The following ARRB2 variants were observed in gnomAD, a reference collection of about 807,000 sequenced individuals.
The protein encoded by ARRB2 is arrestin beta 2, also known as beta-arrestin-2.
Under a neutral mutation model 53.4 loss-of-function variants are expected in ARRB2, and 21 were observed. The ratio of observed to expected loss-of-function variants is 0.39; its 90% CI spans 0.28 to 0.57. The LOEUF (loss-of-function observed/expected upper bound fraction) is 0.57. Among genes scored for constraint, ARRB2 ranks in the 20% least tolerant of loss-of-function variants. The pLI is 0.55. For missense variants in ARRB2, 369 were observed against 527.5 expected (o/e 0.70, Z 2.94); for synonymous variants, 180 against 212.9 (o/e 0.85, Z 1.34).
chr17:4,716,324 T>C (rs1039957492), intron 4 of ARRB2, 88 bp from the exon 5 acceptor site: 9 of 1,609,858 alleles, frequency 5.6e-6, no homozygotes, highest in African/African-American at 4.0e-5. Context: ...GCAAGTCTTA[T>C]GCTGCTGAGG....
intron 1 of ARRB2, among the ~76,000 whole-genome samples, chr17:4,712,986 T>TAA (rs1914574089): frequency 1.3e-5 from 2 of 152,200 alleles, no homozygotes; most frequent in African/African-American, 4.8e-5. Context: ...TTTAATTAAT[T>TAA]TATTTATTTA....
chr17:4,715,719 ACACACAAAC>A, intron 2 of ARRB2: 12 of 459,886 alleles, frequency 2.6e-5, no homozygotes, highest in East Asian at 1.0e-4. Flanking sequence ...ACACACACAC[ACACACAAAC>A]ACACACACAC....
chr17:4,716,908 C>T (rs1915127574), intron 5 of ARRB2: 1 of 610,244 alleles, frequency 1.6e-6, no homozygotes, highest in Non-Finnish European at 2.9e-6. Context: ...AATCTTGGTT[C>T]ACTGCAACCT....
intron 11 of ARRB2, 58 bp downstream of exon 11, chr17:4,719,478 G>A: frequency 6.3e-7 from 1 of 1,593,254 alleles, no homozygotes; most frequent in Non-Finnish European, 8.5e-7. Context: ...TCGGTTCAGT[G>A]CTCTATCCTA....
rs1363085873 is a variant in ARRB2 at position 4,720,603 on chromosome 17, G to A, written c.1099G>A (p.Val367Ile). 1.9e-6 allele frequency: 3 copies of A among 1,586,538 alleles called. No homozygotes were observed. The highest frequency in any genetic ancestry group is 1.1e-5 in the South Asian group (1 of 87,688). ...RPQSAAPETD[V>I]PVDTNLIEFD... is the part of the protein sequence containing the mutation. ...CCCCCCAGCCGCTCCGGAGACAGAT[G>A]TCCCTGTGGACACCAACCTCATTGA... Residue 367 changes from valine (V) to isoleucine (I), a missense_variant, in exon 14 of 15, where the codon GTC becomes ATC. Physicochemically the swap from Val to Ile is conservative, Grantham distance 29 (BLOSUM62 3). Coordinates refer to ENST00000269260, the MANE Select transcript of ARRB2 (RefSeq NM_004313.4).
chr17:4,718,804 G>T, intron 10 of ARRB2, 120 bp downstream of exon 10: 4 of 1,045,206 alleles, frequency 3.8e-6, no homozygotes, highest in South Asian at 3.2e-5. Context: ...TTTTGAGATG[G>T]AGTTTTTGCT....
chr17:4,719,477 T>C, intron 11 of ARRB2, 57 bp downstream of exon 11: 1 of 1,593,284 alleles, frequency 6.3e-7, no homozygotes, highest in Non-Finnish European at 8.5e-7. Flanking sequence ...GTCGGTTCAG[T>C]GCTCTATCCT....
chr17:4,718,655 C>T lies in ARRB2; in HGVS notation c.750C>T (p.Tyr250=). Residue 250 remains tyrosine (Y), a synonymous_variant, in exon 10 of 15, where the codon TAC becomes TAT. Transcript: ENST00000269260. ...ADICLFSTAQ[Y]KCPVAQLEQD... is the part of the protein sequence containing the mutation. The stretch of plus-strand genomic sequence containing the variant: ...TCTGCCTCTTCAGCACCGCCCAGTA[C>T]AAGTGTCCTGTGGCTCAACTCGAAC... The T allele has an allele frequency of 6.2e-7, 1 of 1,613,886 alleles. No individual in the cohort carries two copies. The highest frequency in any genetic ancestry group is 8.5e-7 in the Non-Finnish European group (1 of 1,179,986).
At chr17:4,719,168 C>T in intron 10 of ARRB2, 115 bp from the exon 11 acceptor site, 1 of 1,306,778 alleles carries the variant, frequency 7.7e-7, no homozygotes. Context: ...CCCTTGTGAC[C>T]TGTGCCCAAA....
chr17:4,715,868 G>T, intron 2 of ARRB2, 105 bp from the exon 3 acceptor site: 1 of 1,332,016 alleles, frequency 7.5e-7, no homozygotes, highest in East Asian at 2.3e-5. Context: ...ACTCCTTCCT[G>T]ATAGCCCAGC....
At chr17:4,718,141 T>C in intron 8 of ARRB2, 118 bp downstream of exon 8, 1 of 1,560,034 alleles carries the variant, frequency 6.4e-7, no homozygotes, top group South Asian at 1.2e-5. Context: ...GTGTGGACAG[T>C]TGCCGTGGGC....
Position 4,720,427 on chromosome 17 carries a change from C to G in ARRB2, c.1036C>G (p.His346Asp). The G allele has an allele frequency of 6.2e-7, 1 of 1,613,756 alleles. No homozygotes were observed. The highest frequency in any genetic ancestry group is 1.1e-5 in the South Asian group (1 of 91,056). Residue 346 changes from histidine (H) to aspartate (D), a missense_variant, in exon 13 of 15, where the codon CAC becomes GAC. His to Asp is a moderately conservative substitution (Grantham distance 81). Transcript: ENST00000269260. ...TGTGGAGCTGCCTTTTGTTCTTATGCACCCCAAGCCCCACGACCACATCCC... is the reference window on the plus strand; with the variant it reads ...TGTGGAGCTGCCTTTTGTTCTTATGGACCCCAAGCCCCACGACCACATCCC... ...VSVELPFVLM[H>D]PKPHDHIPLP...
intron 1 of ARRB2, among the ~76,000 whole-genome samples, chr17:4,711,938 C>G (rs1286494252): frequency 6.6e-6 from 1 of 152,246 alleles, no homozygotes; most frequent in African/African-American, 2.4e-5. Context: ...CCTCCCTGGT[C>G]ATCCCCACAC....
chr17:4,715,722 CACAA>C lies in ARRB2; in HGVS notation c.55-247_55-244del, dbSNP rs1367755705. On this transcript the variant is annotated intron_variant, in intron 2 of 14. Coordinates refer to ENST00000269260, the MANE Select transcript of ARRB2 (RefSeq NM_004313.4). ...ACACACACACACACACACACACACA[CACAA>C]ACACACACACACCGGGCTGGTGGGC... 3.2e-4 allele frequency: 154 copies of C among 478,664 alleles called. 2 individuals are homozygous for C. In the African/African-American group the frequency reaches 3.4e-3, roughly 11 times the overall value. 29.7% of individuals were successfully genotyped at this position (478,664 alleles called of 1,614,324 possible).
At position 4,717,272 on chromosome 17, in the gene ARRB2, G is replaced by C; in HGVS notation, c.413G>C (p.Gly138Ala). The C allele has an allele frequency of 6.2e-7, 1 of 1,614,152 alleles. No individual in the cohort carries two copies. The highest frequency in any genetic ancestry group is 1.1e-5 in the South Asian group (1 of 91,082). The change falls in exon 6 of 15, where the codon GGA (glycine) becomes GCA (alanine). Residue 138 changes from glycine (G) to alanine (A), a missense_variant. Transcript: ENST00000269260. This position sits in a 1 kb window ranked among gnomAD's most constrained non-coding sequence, Gnocchi z 6.0. ...VTLQPGPEDT[G>A]KACGVDFEIR... ...CTGCAGCCAGGCCCAGAGGATACAGGAAAGGTACGGGAGGAACAGCTCTGA... is the reference window on the plus strand; with the variant it reads ...CTGCAGCCAGGCCCAGAGGATACAGCAAAGGTACGGGAGGAACAGCTCTGA...
Position 4,715,943 on chromosome 17 carries a change from A to G in ARRB2, c.55-30A>G, listed in dbSNP as rs1914979612. 3.7e-6 allele frequency: 6 copies of G among 1,613,794 alleles called. No homozygotes were observed. The East Asian group carries it at 6.7e-5, about 18-fold the overall frequency. ...CGATGCCCTGTCACCATCCTCCCCA[A>G]TCTCCCCTGTGACCCCTTGACATCC... On this transcript the variant is annotated intron_variant, in intron 2 of 14. Transcript: ENST00000269260.
At chr17:4,719,077 A>G (rs556482385) in intron 10 of ARRB2, among the ~76,000 whole-genome samples, 1 of 152,344 alleles carries the variant, frequency 6.6e-6, no homozygotes, top group South Asian at 2.1e-4. Context: ...ACCGGCCACC[A>G]TCTTCACTTA....
chr17:4,713,940 G>A (rs924194736), intron 1 of ARRB2, among the ~76,000 whole-genome samples: 25 of 152,292 alleles, frequency 1.6e-4, no homozygotes, highest in African/African-American at 5.8e-4. Flanking sequence ...CTCCAGCCTG[G>A]GCAACAGAGT....
chr17:4,716,775 G>C, intron 5 of ARRB2, 167 bp downstream of exon 5: 2 of 1,317,618 alleles, frequency 1.5e-6, no homozygotes, highest in Non-Finnish European at 2.0e-6. Context: ...TTGATTATCT[G>C]CCTCCTCTCT....
Sources: allele counts gnomAD v4.1 joint callset (sites outside exome capture counted in the v4.1 genomes callset), GRCh38; gene constraint gnomAD v4.1.1; non-coding constraint Gnocchi (gnomAD v3.1); transcripts MANE v1.5; gene names NCBI Gene and HGNC (gene_info 2026-07-23, HGNC 2026-07-21).